The following NAV2 variants were observed in gnomAD, a reference collection of about 807,000 sequenced individuals.
NAV2 encodes neuron navigator 2.
In NAV2, 54 loss-of-function variants were observed where a neutral mutation model predicts 223.2. That is an observed-to-expected ratio of 0.24 (90% CI 0.19 to 0.30). NAV2 has a LOEUF of 0.30. Among genes scored for constraint, NAV2 ranks in the 10% least tolerant of loss-of-function variants. The pLI is 1.00. For missense variants in NAV2, 2,806 were observed against 3,147.5 expected (o/e 0.89, Z 2.60); for synonymous variants, 1,279 against 1,239.3 (o/e 1.03, Z -0.67).
chr11:19,760,527 A>G (rs1466608907), intron 1 of NAV2, among the ~76,000 whole-genome samples: 1 of 152,240 alleles, frequency 6.6e-6, no homozygotes, highest in Non-Finnish European at 1.5e-5. Flanking sequence ...TTTGCTGGTG[A>G]CGAAGCACTG....
At chr11:19,799,276 G>T (rs575819007) in intron 1 of NAV2, among the ~76,000 whole-genome samples, 2 of 152,340 alleles carry the variant, frequency 1.3e-5, no homozygotes, top group South Asian at 4.1e-4. Flanking sequence ...GGAACTGCCA[G>T]CATAGAACAT....
intron 10 of NAV2, among the ~76,000 whole-genome samples, chr11:19,968,003 T>C (rs377233328): frequency 1.3e-5 from 2 of 152,218 alleles, no homozygotes; most frequent in South Asian, 2.1e-4. Flanking sequence ...AATACAAAAA[T>C]TGTGCACACC....
At chr11:19,457,903 G>C (rs1268455724) in intron 1 of NAV2, among the ~76,000 whole-genome samples, 1 of 151,960 alleles carries the variant, frequency 6.6e-6, no homozygotes, top group Non-Finnish European at 1.5e-5. Flanking sequence ...AGAGAATGAG[G>C]CACAGAAGTG....
intron 1 of NAV2, among the ~76,000 whole-genome samples, chr11:19,572,487 G>A (rs1283616577): frequency 6.6e-6 from 1 of 152,186 alleles, no homozygotes; most frequent in Admixed American, 6.5e-5. Context: ...GACTTGACCT[G>A]GGGCAAAAGA....
rs776341303 is a variant in NAV2 at position 20,045,643 on chromosome 11, C to A, written c.3875C>A (p.Pro1292Gln). The change falls in exon 14 of 38, where the codon CCA becomes CAA. Residue 1292 changes from proline to glutamine, a missense_variant. Coordinates refer to ENST00000349880, the MANE Select transcript of NAV2 (RefSeq NM_145117.5). ...QTSLQPGAKYPDVASPTLRRL... is the reference protein window; with the variant it reads ...QTSLQPGAKYQDVASPTLRRL... ...AGTCTCCAGCCTGGAGCCAAGTACC[C>A]AGATGTGGCCTCTCCCACACTCCGC... is the stretch of plus-strand genomic sequence containing the variant. The A allele has an allele frequency of 6.2e-7, 1 of 1,614,058 alleles. No individual in the cohort carries two copies. Among genetic ancestry groups the A allele is most frequent in the East Asian group, 2.2e-5 (1 of 44,868 alleles).
chr11:20,043,767 T>C, intron 12 of NAV2: 3 of 527,504 alleles, frequency 5.7e-6, no homozygotes, highest in Non-Finnish European at 1.0e-5. Context: ...ATTCCAGGGA[T>C]ACATTGATAT....
In NAV2 at chr11:20,105,717, C is replaced by T. The variant is rs188385974; in HGVS notation, c.6831C>T (p.Asp2277=). The T allele has an allele frequency of 1.3e-4, 210 of 1,611,678 alleles. No individual in the cohort carries two copies. The highest frequency in any genetic ancestry group is 1.0e-3 in the Middle Eastern group (5 of 4,962). Residue 2277 remains aspartate (D), a synonymous_variant, in exon 35 of 38, where the codon GAC becomes GAT. Coordinates refer to ENST00000349880, the MANE Select transcript of NAV2 (RefSeq NM_145117.5). ...TCCTGGAGGCTCACAGTTCCTCGGA[C>T]GTCACCATCGGTGGGTGGGAGACTG... The part of the protein sequence containing the change: ...NRFLEAHSSS[D]VTIGPRLFLS...
Position 19,626,118 on chromosome 11 carries a change from A to G in NAV2, c.76-206366A>G, listed in dbSNP as rs773214647. Reference sequence around the variant, plus strand: ...TCATAAAATCTTCTCCAATACCAACATCCTGAAGCATTTCCCTTATATTTT... The same window carrying G: ...TCATAAAATCTTCTCCAATACCAACGTCCTGAAGCATTTCCCTTATATTTT... On this transcript the variant is annotated intron_variant, in intron 1 of 37. Coordinates refer to the NAV2 transcript ENST00000360655. 1.4e-4 allele frequency among the ~76,000 whole-genome samples: 22 copies of G among 152,176 alleles called. 1 individual carries two copies. Among genetic ancestry groups the G allele is most frequent in the Admixed American group, 5.9e-4 (9 of 15,278 alleles).
At chr11:19,972,442 A>G (rs2049330149) in intron 10 of NAV2, among the ~76,000 whole-genome samples, 2 of 152,170 alleles carry the variant, frequency 1.3e-5, no homozygotes, top group South Asian at 2.1e-4. Flanking sequence ...AGGTCTATAT[A>G]TCTGTTTCCT....
chr11:19,571,625 G>A (rs1453400746), intron 1 of NAV2, among the ~76,000 whole-genome samples: 1 of 151,918 alleles, frequency 6.6e-6, no homozygotes, highest in African/African-American at 2.4e-5. Context: ...AGAACTGCTT[G>A]AACCCAGGAG....
intron 3 of NAV2, among the ~76,000 whole-genome samples, chr11:19,862,405 A>G (rs1269298019): frequency 6.6e-6 from 1 of 152,206 alleles, no homozygotes; most frequent in East Asian, 1.9e-4. Context: ...TTCCTGTTTC[A>G]AAGCCACCAT....
At chr11:19,912,104 A>G (rs973751584) in intron 6 of NAV2, among the ~76,000 whole-genome samples, 2 of 152,190 alleles carry the variant, frequency 1.3e-5, no homozygotes, top group African/African-American at 4.8e-5. Context: ...CTAATTTTTA[A>G]GCAGAATGTC....
rs765870648 is a variant in NAV2, at chr11:20,080,194, G to A, written c.5310G>A (p.Lys1770=). ...GSNIESDSKK[K]KRKNWLRSSF... Reference sequence around the variant, plus strand: ...ACATAGAGAGTGACTCAAAGAAGAAGAAGCGGAAGAACTGGGTGAGTGCAC... The same window carrying A: ...ACATAGAGAGTGACTCAAAGAAGAAAAAGCGGAAGAACTGGGTGAGTGCAC... The change falls in exon 25 of 38, where the codon AAG becomes AAA. Residue 1770 remains lysine, a synonymous_variant. Transcript: ENST00000349880. 5 of 1,613,746 alleles carry A rather than the reference G, an allele frequency of 3.1e-6. No individual in the cohort carries two copies. Among genetic ancestry groups the A allele is most frequent in the Non-Finnish European group, 3.4e-6 (4 of 1,179,744 alleles).
chr11:19,446,284 A>C (rs1387157257), intron 1 of NAV2, among the ~76,000 whole-genome samples: 1 of 152,146 alleles, frequency 6.6e-6, no homozygotes, highest in Non-Finnish European at 1.5e-5. Context: ...CCACCACCAG[A>C]GAATCATAGC....
At chr11:19,621,401 G>A (rs2135416792) in intron 1 of NAV2, among the ~76,000 whole-genome samples, 1 of 152,190 alleles carries the variant, frequency 6.6e-6, no homozygotes, top group East Asian at 1.9e-4. Flanking sequence ...TTTTTTGGTT[G>A]GCAAGCTAGT....
At chr11:19,603,810 G>T (rs1191241563) in intron 1 of NAV2, among the ~76,000 whole-genome samples, 2 of 151,970 alleles carry the variant, frequency 1.3e-5, no homozygotes, top group South Asian at 2.1e-4. Flanking sequence ...GCAAAGAAAG[G>T]GGTATAGTGA....
At chr11:19,718,465 G>A (rs10766583) in intron 1 of NAV2, among the ~76,000 whole-genome samples, 1 of 151,812 alleles carries the variant, frequency 6.6e-6, no homozygotes, top group Non-Finnish European at 1.5e-5. Flanking sequence ...GGGTGTTTTA[G>A]ATGTTGAAAA....
chr11:20,062,403 G>A lies in NAV2; in HGVS notation c.4884+44G>A, dbSNP rs139509162. ...TGTGTGGCTGTGATCATGAGAACTGGGGTTCCTTTATCAAATGTGTCAAGA... is the reference window on the plus strand; with the variant it reads ...TGTGTGGCTGTGATCATGAGAACTGAGGTTCCTTTATCAAATGTGTCAAGA... On this transcript the variant is annotated intron_variant, in intron 20 of 37. Transcript: ENST00000349880. The A allele has an allele frequency of 3.6e-5, 53 of 1,467,798 alleles. No individual in the cohort carries two copies. The East Asian group carries it at 4.8e-4, about 13-fold the overall frequency. The allele number at this position is 1,467,798 out of a possible 1,614,324, so 90.9% of individuals were successfully genotyped here. A position where few individuals can be genotyped will look rare whatever the true frequency, so the allele number is the denominator to read the frequency against.
At chr11:19,419,848 C>T (rs576279363) in intron 1 of NAV2, among the ~76,000 whole-genome samples, 14 of 152,280 alleles carry the variant, frequency 9.2e-5, no homozygotes, top group African/African-American at 2.2e-4. Context: ...AAGTTTGCGT[C>T]GGGTACATAC....
Sources: gnomAD v4.1 joint callset for allele counts (sites outside exome capture counted in the v4.1 genomes callset) on GRCh38, gnomAD v4.1.1 for gene constraint, MANE v1.5 for transcripts, NCBI Gene and HGNC (gene_info 2026-07-23, HGNC 2026-07-21) for gene names.